The following PIKFYVE variants were observed in gnomAD, a reference collection of about 807,000 sequenced individuals.
PIKFYVE encodes 1-phosphatidylinositol 3-phosphate 5-kinase.
Under a neutral mutation model 257.9 loss-of-function variants are expected in PIKFYVE, and 122 were observed. That is an observed-to-expected ratio of 0.47 (90% confidence interval 0.41 to 0.55). The LOEUF is 0.55. Among genes scored for constraint, PIKFYVE ranks in the 20% least tolerant of loss-of-function variants. PIKFYVE has a pLI of 0.00. For synonymous variants in PIKFYVE, 892 were observed against 868.9 expected, an observed-to-expected ratio of 1.03 and a Z score of -0.47; for missense variants, 2,160 against 2,536.6, an observed-to-expected ratio of 0.85 and a Z score of 3.19.
chr2:208,304,091 A>G (rs1559088784), intron 10 of PIKFYVE, 80 bp from the exon 11 acceptor site: 8 of 1,495,696 alleles, frequency 5.3e-6, no homozygotes, highest in Non-Finnish European at 7.4e-6. Context: ...ATATTGGACT[A>G]CAATTTATTT....
Position 208,356,273 on chromosome 2 carries a change from G to C in PIKFYVE, c.*968G>C, listed in dbSNP as rs1700155137. 6.6e-6 allele frequency: 1 copy of C among 152,156 alleles called. No individual in the cohort carries two copies. Among genetic ancestry groups the C allele is most frequent in the African/African-American group, 2.4e-5 (1 of 41,428 alleles). The allele number at this position is 152,156 out of a possible 1,614,324, so 9.4% of individuals were successfully genotyped here. A position where few individuals can be genotyped will look rare whatever the true frequency, so the allele number is the denominator to read the frequency against. On this transcript the variant is annotated 3_prime_UTR_variant, in exon 42 of 42. Coordinates refer to ENST00000264380, the MANE Select transcript of PIKFYVE (RefSeq NM_015040.4). ...CTTTTCAATATAACCAGCAATTTAG[G>C]TGGCATCTATAAAATAAAAAATTTC...
Position 208,347,900 on chromosome 2 carries a change from G to T in PIKFYVE, c.5251G>T (p.Ala1751Ser), listed in dbSNP as rs1699384519. ...AATGTTGTCCTTCTTCAGAGGGACA[G>T]CAGGGAAAAGCCCCGATCTCTCTTC... The part of the protein sequence containing the change: ...SGMLSFFRGT[A>S]GKSPDLSSQK... The change falls in exon 35 of 42, where the codon GCA (alanine) becomes TCA (serine). Residue 1751 changes from alanine to serine, a missense_variant. Around this residue, in one of 12 missense-constraint regions of PIKFYVE, gnomAD observed 699 missense variants for 855.8 expected, o/e 0.82. Coordinates refer to ENST00000264380, the MANE Select transcript of PIKFYVE (RefSeq NM_015040.4). The T allele has an allele frequency of 6.2e-7, 1 of 1,613,862 alleles. No individual in the cohort carries two copies. Among genetic ancestry groups the T allele is most frequent in the Middle Eastern group, 1.7e-4 (1 of 6,006 alleles).
Position 208,333,441 on chromosome 2 carries a change from C to T in PIKFYVE, c.4090C>T (p.His1364Tyr). ...ANAEPCGHSIHHDYHQYFSYN... is the reference protein window; with the variant it reads ...ANAEPCGHSIYHDYHQYFSYN... Reference sequence around the variant, plus strand: ...CGCTGAGCCCTGTGGTCACTCCATCCATCATGATTATCACCAGTATTTCTC... The same window carrying T: ...CGCTGAGCCCTGTGGTCACTCCATCTATCATGATTATCACCAGTATTTCTC... Residue 1364 changes from histidine to tyrosine, a missense_variant, in exon 24 of 42, where the codon CAT becomes TAT. Transcript: ENST00000264380. 6.2e-7 allele frequency: 1 copy of T among 1,614,048 alleles called. No homozygotes were observed. The highest frequency in any genetic ancestry group is 8.5e-7 in the Non-Finnish European group (1 of 1,180,002).
Position 208,333,449 on chromosome 2 carries a change from T to G in PIKFYVE, c.4098T>G (p.Asp1366Glu), listed in dbSNP as rs1697783814. The stretch of plus-strand genomic sequence containing the variant: ...CCTGTGGTCACTCCATCCATCATGA[T>G]TATCACCAGTATTTCTCCTATAACC... ...AEPCGHSIHH[D>E]YHQYFSYNQM... is the part of the protein sequence containing the mutation. Residue 1366 changes from aspartate to glutamate, a missense_variant, in exon 24 of 42, where the codon GAT (aspartate) becomes GAG (glutamate). Around this residue, in one of 12 missense-constraint regions of PIKFYVE, gnomAD observed 699 missense variants for 855.8 expected, o/e 0.82. Coordinates refer to ENST00000264380, the MANE Select transcript of PIKFYVE (RefSeq NM_015040.4). 5 of 1,614,070 alleles carry G rather than the reference T, an allele frequency of 3.1e-6. No homozygotes were observed. Among genetic ancestry groups the G allele is most frequent in the Non-Finnish European group, 4.2e-6 (5 of 1,180,010 alleles).
intron 3 of PIKFYVE, among the ~76,000 whole-genome samples, chr2:208,274,272 TCTC>T (rs1440795132): frequency 6.6e-6 from 1 of 152,216 alleles, no homozygotes; most frequent in Non-Finnish European, 1.5e-5. Flanking sequence ...TACACAGTCA[TCTC>T]CTTCATTTTC....
chr2:208,286,439 T>C (rs1691584987), intron 6 of PIKFYVE, among the ~76,000 whole-genome samples: 1 of 152,188 alleles, frequency 6.6e-6, no homozygotes, highest in African/African-American at 2.4e-5. Context: ...TTTTTGTAAG[T>C]ATACTGCACT....
At chr2:208,321,721 G>C (rs1432658112) in intron 17 of PIKFYVE, among the ~76,000 whole-genome samples, 1 of 151,970 alleles carries the variant, frequency 6.6e-6, no homozygotes, top group African/African-American at 2.4e-5. Context: ...GGGATTACAG[G>C]TGCCTGCCAC....
Position 208,300,953 on chromosome 2 carries a change from A to C in PIKFYVE, c.1067A>C (p.Lys356Thr). ...TGATTGCAGGACAGTGTGCAGTTAA[A>C]AGACCTGTGGAAAAAAATCTGCCAT... The part of the protein sequence containing the change: ...RKILLDSVQL[K>T]DLWKKICHHS... Residue 356 changes from lysine (K) to threonine (T), a missense_variant, in exon 9 of 42, where the codon AAA becomes ACA. Lys to Thr is a moderately conservative substitution (Grantham distance 78). Coordinates refer to ENST00000264380, the MANE Select transcript of PIKFYVE (RefSeq NM_015040.4). The C allele has an allele frequency of 6.2e-7, 1 of 1,614,114 alleles. No homozygotes were observed. The highest frequency in any genetic ancestry group is 8.5e-7 in the Non-Finnish European group (1 of 1,179,998).
chr2:208,333,278 A>G (rs201975223), intron 23 of PIKFYVE, 37 bp from the exon 24 acceptor site: 13 of 1,594,410 alleles, frequency 8.2e-6, no homozygotes, highest in South Asian at 4.5e-5. Flanking sequence ...GAGATTCTCA[A>G]TATGTGATTA....
At chr2:208,351,481 A>T in intron 38 of PIKFYVE, 26 bp downstream of exon 38, 1 of 1,561,006 alleles carries the variant, frequency 6.4e-7, no homozygotes, top group Non-Finnish European at 8.8e-7. Flanking sequence ...CATGGTCTGT[A>T]ATCAAAGTTT....
intron 31 of PIKFYVE, among the ~76,000 whole-genome samples, chr2:208,341,607 G>A (rs550163097): frequency 9.2e-5 from 14 of 152,214 alleles, no homozygotes; most frequent in African/African-American, 3.4e-4. Context: ...GCATGGTTGG[G>A]TTCTGGCAAG....
rs1263912322 is a variant in PIKFYVE at position 208,356,769 on chromosome 2, C to G, written c.*1464C>G. ...GTAGTAAACTATCTTTGAGGAAATA[C>G]TGTAACCCCAGAATATTTCCTCTTG... On this transcript the variant is annotated 3_prime_UTR_variant, in exon 42 of 42. Coordinates refer to ENST00000264380, the MANE Select transcript of PIKFYVE (RefSeq NM_015040.4). 2 of 152,642 alleles carry G rather than the reference C, an allele frequency of 1.3e-5. No individual in the cohort carries two copies. Among genetic ancestry groups the G allele is most frequent in the Non-Finnish European group, 2.9e-5 (2 of 68,024 alleles). 9.5% of individuals were successfully genotyped at this position (152,642 alleles called of 1,614,324 possible).
At chr2:208,298,824 A>G in intron 8 of PIKFYVE, 45 bp downstream of exon 8, 3 of 1,609,502 alleles carry the variant, frequency 1.9e-6, no homozygotes, top group African/African-American at 1.3e-5. Context: ...TTGAGCATAG[A>G]GAATGTTCAT....
Position 208,348,852 on chromosome 2 carries a change from G to A in PIKFYVE, c.5374+829G>A, listed in dbSNP as rs549870530. On this transcript the variant is annotated intron_variant, in intron 35 of 41. Transcript: ENST00000264380. ...ATAGAAATAGTTTGGTGACCTCTGG[G>A]TTAGTCCGTGAATTAGTAGTTTTAA... Among the ~76,000 whole-genome samples the A allele has an allele frequency of 6.9e-4, 105 of 151,936 alleles. 1 individual carries two copies. The highest frequency in any genetic ancestry group is 3.4e-3 in the Middle Eastern group (1 of 294).
At chr2:208,279,301 T>C (rs1436469579) in intron 5 of PIKFYVE, among the ~76,000 whole-genome samples, 1 of 152,144 alleles carries the variant, frequency 6.6e-6, no homozygotes, top group Non-Finnish European at 1.5e-5. Flanking sequence ...GGATATTAGA[T>C]CTTTGTCAGA....
In PIKFYVE at chr2:208,271,627, T is replaced by A; in HGVS notation, c.108T>A (p.Asp36Glu). Residue 36 changes from aspartate to glutamate, a missense_variant, in exon 2 of 42, where the codon GAT becomes GAA. Physicochemically the swap from Asp to Glu is conservative, Grantham distance 45. This residue lies in a region of PIKFYVE where 172 missense variants were observed against 180.6 expected (regional missense o/e 0.95). Coordinates refer to ENST00000264380, the MANE Select transcript of PIKFYVE (RefSeq NM_015040.4). ...CACACTTTAAACCTTTGACTCCTGA[T>A]CAAGATGAGCCCCCTTTTAAATCAG... ...HLTHFKPLTP[D>E]QDEPPFKSAY... 6.2e-7 allele frequency: 1 copy of A among 1,614,170 alleles called. No individual in the cohort carries two copies. Among genetic ancestry groups the A allele is most frequent in the Non-Finnish European group, 8.5e-7 (1 of 1,179,982 alleles).
At position 208,353,929 on chromosome 2, in the gene PIKFYVE, G is replaced by A. The variant is rs1314523840; in HGVS notation, c.5876G>A (p.Arg1959Gln). 1 of 1,613,840 alleles carries A rather than the reference G, an allele frequency of 6.2e-7. No homozygotes were observed. Among genetic ancestry groups the A allele is most frequent in the Non-Finnish European group, 8.5e-7 (1 of 1,179,910 alleles). ...VFDLKGSLRN[R>Q]NVKTDTGKES... ...GATTTGAAGGGCTCTCTTAGGAATC[G>A]GAATGTAAAAACTGACACTGGAAAA... The change falls in exon 40 of 42, where the codon CGG becomes CAG. Residue 1959 changes from arginine (R) to glutamine (Q), a missense_variant. Physicochemically the swap from Arg to Gln is conservative, Grantham distance 43. Transcript: ENST00000264380.
Position 208,307,779 on chromosome 2 carries a change from A to G in PIKFYVE, c.1636+2766A>G, listed in dbSNP as rs145592281. On this transcript the variant is annotated intron_variant, in intron 12 of 41. Transcript: ENST00000264380. Reference sequence around the variant, plus strand: ...TGATACAAGATTGATAAATCAGAAGACTATAATAGATACTATCTTTGTTGA... The same window carrying G: ...TGATACAAGATTGATAAATCAGAAGGCTATAATAGATACTATCTTTGTTGA... Among the ~76,000 whole-genome samples the G allele has an allele frequency of 1.9e-3, 296 of 152,280 alleles. 3 individuals carry two copies. The highest frequency in any genetic ancestry group is 6.5e-3 in the African/African-American group (270 of 41,556).
intron 39 of PIKFYVE, 116 bp downstream of exon 39, chr2:208,352,898 G>T (rs2125827594): frequency 7.6e-7 from 1 of 1,315,080 alleles, no homozygotes; most frequent in Non-Finnish European, 1.1e-6. Flanking sequence ...TTTAACTTTG[G>T]TTACTAGGCC....
Sources: gnomAD v4.1 joint callset for allele counts (sites outside exome capture counted in the v4.1 genomes callset) on GRCh38, gnomAD v4.1.1 for gene constraint, gnomAD v4.1.1 regional missense constraint, MANE v1.5 for transcripts, NCBI Gene and HGNC (gene_info 2026-07-23, HGNC 2026-07-21) for gene names.